The following SERINC5 variants were observed in gnomAD, a reference collection of about 807,000 sequenced individuals.
SERINC5 encodes chromosome 5 open reading frame 12.
SERINC5 carries 41 observed loss-of-function variants against 63.1 expected under a neutral mutation model. The ratio of observed to expected loss-of-function variants is 0.65; its 90% CI spans 0.51 to 0.84. The LOEUF (loss-of-function observed/expected upper bound fraction) is 0.84. Among genes scored for constraint, SERINC5 ranks in the 40% least tolerant of loss-of-function variants. The pLI, the probability that SERINC5 is intolerant of heterozygous loss-of-function variation, is 0.00. For missense variants in SERINC5, 523 were observed against 573.0 expected (o/e 0.91, Z 0.89); for synonymous variants, 222 against 215.2 (o/e 1.03, Z -0.28).
At chr5:80,181,416 T>TTGTGTGTG (rs70982028) in intron 2 of SERINC5, among the ~76,000 whole-genome samples, 2,784 of 145,408 alleles carry the variant, frequency 0.019, 41 homozygotes, top group African/African-American at 0.044. Context: ...TCAGCTAATT[T>TTGTGTGTG]TGTGTGTGTG....
At chr5:80,253,658 G>A (rs959004909) in intron 1 of SERINC5, among the ~76,000 whole-genome samples, 1 of 152,104 alleles carries the variant, frequency 6.6e-6, no homozygotes, top group Admixed American at 6.6e-5. Context: ...TCCTCACTGA[G>A]CAGTCTCAAC....
chr5:80,168,545 G>A (rs1267095057), intron 6 of SERINC5, among the ~76,000 whole-genome samples: 3 of 151,996 alleles, frequency 2.0e-5, no homozygotes, highest in Non-Finnish European at 4.4e-5. Flanking sequence ...GATTCAAGGG[G>A]GCTGTACATT....
Position 80,139,837 on chromosome 5 carries a change from CCTT to C in SERINC5, c.*3823_*3825del. The C allele has an allele frequency of 1.0e-6, 1 of 985,310 alleles. No homozygotes were observed. The highest frequency in any genetic ancestry group is 1.2e-6 in the Non-Finnish European group (1 of 829,932). The allele number at this position is 985,310 out of a possible 1,614,324, so 61.0% of individuals were successfully genotyped here. The stretch of plus-strand genomic sequence containing the variant: ...GGTCTTACTTAGTTCAAGGTTTGTC[CCTT>C]CTTAGTTGTAGGTTGGGCCCTCTTT... On this transcript the variant is annotated 3_prime_UTR_variant, in exon 12 of 12. Coordinates refer to ENST00000507668, the MANE Select transcript of SERINC5 (RefSeq NM_001174072.3).
Position 80,139,256 on chromosome 5 carries a change from T to C in SERINC5, c.*4407A>G, listed in dbSNP as rs1411624706. The stretch of plus-strand genomic sequence containing the variant: ...TGCAAAGTAAAAAGGCTTAAATCTT[T>C]AATAAAGGAAAACAAAACAATCCTC... On this transcript the variant is annotated 3_prime_UTR_variant, in exon 12 of 12. Coordinates refer to ENST00000507668, the MANE Select transcript of SERINC5 (RefSeq NM_001174072.3). 1 of 971,046 alleles carries C rather than the reference T, an allele frequency of 1.0e-6. No homozygotes were observed. The allele number at this position is 971,046 out of a possible 1,614,324, so 60.2% of individuals were successfully genotyped here.
At chr5:80,144,397 G>T (rs965779574) in intron 11 of SERINC5, among the ~76,000 whole-genome samples, 3 of 152,164 alleles carry the variant, frequency 2.0e-5, no homozygotes, top group African/African-American at 7.2e-5. Context: ...GGATTACATT[G>T]TAACTCAATG....
At chr5:80,197,395 A>G (rs1749581614) in intron 2 of SERINC5, among the ~76,000 whole-genome samples, 1 of 135,114 alleles carries the variant, frequency 7.4e-6, no homozygotes. Flanking sequence ...TATATATTGT[A>G]TGATTCCATT....
intron 2 of SERINC5, among the ~76,000 whole-genome samples, chr5:80,195,345 T>C (rs1462728669): frequency 6.6e-6 from 1 of 151,960 alleles, no homozygotes; most frequent in Non-Finnish European, 1.5e-5. Context: ...AATATATCAA[T>C]GTAACAAAAT....
Position 80,209,453 on chromosome 5 carries a change from T to G in SERINC5, c.28-6400A>C, listed in dbSNP as rs1001199131. Among the ~76,000 whole-genome samples the G allele has an allele frequency of 6.6e-5, 10 of 152,302 alleles. No individual in the cohort carries two copies. The East Asian group carries it at 1.9e-3, about 29-fold the overall frequency. On this transcript the variant is annotated intron_variant, in intron 1 of 11. Transcript: ENST00000507668. ...TGCACACACCTTGCTCTTGGACTTCTGGCCTTCACAAGTGAGAAGCTGAAT... is the reference window on the plus strand; with the variant it reads ...TGCACACACCTTGCTCTTGGACTTCGGGCCTTCACAAGTGAGAAGCTGAAT...
At position 80,141,813 on chromosome 5, in the gene SERINC5, T is replaced by C; in HGVS notation, c.*1850A>G. The C allele has an allele frequency of 4.1e-6, 4 of 985,388 alleles. No homozygotes were observed. The highest frequency in any genetic ancestry group is 4.8e-6 in the Non-Finnish European group (4 of 829,892). The allele number at this position is 985,388 out of a possible 1,614,324, so 61.0% of individuals were successfully genotyped here. ...TCCTGCCCTAAAAAAGGAAATTTAA[T>C]GGAATTTACAAAACAAGGCTCTCTA... is the stretch of plus-strand genomic sequence containing the variant. On this transcript the variant is annotated 3_prime_UTR_variant, in exon 12 of 12. Coordinates refer to ENST00000507668, the MANE Select transcript of SERINC5 (RefSeq NM_001174072.3).
chr5:80,154,341 G>A (rs941214335), intron 8 of SERINC5, among the ~76,000 whole-genome samples: 3 of 152,028 alleles, frequency 2.0e-5, no homozygotes, highest in African/African-American at 7.2e-5. Flanking sequence ...CACCATGCCC[G>A]GCTAATTTTG....
In SERINC5 at chr5:80,186,475, T is replaced by G. The variant is rs539870760; in HGVS notation, c.196-8411A>C. Among the ~76,000 whole-genome samples the G allele has an allele frequency of 7.9e-5, 12 of 152,270 alleles. No individual in the cohort carries two copies. In the South Asian group the frequency reaches 8.3e-4, roughly 11 times the overall value. On this transcript the variant is annotated intron_variant, in intron 2 of 11. Transcript: ENST00000507668. Reference sequence around the variant, plus strand: ...GAATCTTTCCTTGGTACATTTATATTAGAACTGAGGTCCAAAAAATAGCAC... The same window carrying G: ...GAATCTTTCCTTGGTACATTTATATGAGAACTGAGGTCCAAAAAATAGCAC...
chr5:80,132,867 T>C (rs756644286), intron 11 of SERINC5, among the ~76,000 whole-genome samples: 4 of 152,168 alleles, frequency 2.6e-5, no homozygotes, highest in Non-Finnish European at 1.5e-5. Flanking sequence ...CTAAAGCCAA[T>C]TGCTACATGT....
intron 8 of SERINC5, among the ~76,000 whole-genome samples, chr5:80,156,027 G>A (rs1295719004): frequency 6.6e-6 from 1 of 152,106 alleles, no homozygotes; most frequent in African/African-American, 2.4e-5. Flanking sequence ...CAAGTATTTG[G>A]GGGTGGGGCT....
intron 2 of SERINC5, 127 bp downstream of exon 2, chr5:80,202,759 G>A: frequency 3.5e-6 from 3 of 854,954 alleles, no homozygotes; most frequent in Non-Finnish European, 5.3e-6. Flanking sequence ...CTTCAGGAAG[G>A]TTCAAGGAAA....
intron 11 of SERINC5, among the ~76,000 whole-genome samples, chr5:80,144,784 C>G (rs757032789): frequency 6.6e-6 from 1 of 152,226 alleles, no homozygotes; most frequent in Non-Finnish European, 1.5e-5. Context: ...TCCTGCTGGA[C>G]TATAAATCCT....
At chr5:80,234,930 T>C (rs559866390) in intron 1 of SERINC5, among the ~76,000 whole-genome samples, 1 of 152,318 alleles carries the variant, frequency 6.6e-6, no homozygotes, top group African/African-American at 2.4e-5. Flanking sequence ...TTTTTTACTA[T>C]GCTGAAACAC....
At chr5:80,129,058 G>A (rs1487412260) in intron 11 of SERINC5, 1 of 152,210 alleles carries the variant, frequency 6.6e-6, no homozygotes, top group Non-Finnish European at 1.5e-5. Flanking sequence ...AGCTTAGATG[G>A]AAAGTCCACT....
At chr5:80,216,057 C>G (rs1750647322) in intron 1 of SERINC5, among the ~76,000 whole-genome samples, 1 of 152,136 alleles carries the variant, frequency 6.6e-6, no homozygotes, top group Admixed American at 6.6e-5. Context: ...TACATTTTAG[C>G]AGGTTGGTGA....
chr5:80,142,057 C>T lies in SERINC5; in HGVS notation c.*1606G>A, dbSNP rs558115778. The T allele has an allele frequency of 2.4e-5, 24 of 985,340 alleles. No individual in the cohort carries two copies. The African/African-American group carries it at 3.8e-4, about 16-fold the overall frequency. 61.0% of individuals were successfully genotyped at this position (985,340 alleles called of 1,614,324 possible). On this transcript the variant is annotated 3_prime_UTR_variant, in exon 12 of 12. Coordinates refer to ENST00000507668, the MANE Select transcript of SERINC5 (RefSeq NM_001174072.3). ...GGCACTCAATTCTGCCCAACTCATA[C>T]AGTAGGGCACAGAAAAAAATGACTA...
Sources: gnomAD v4.1 joint callset for allele counts (sites outside exome capture counted in the v4.1 genomes callset) on GRCh38, gnomAD v4.1.1 for gene constraint, MANE v1.5 for transcripts, NCBI Gene and HGNC (gene_info 2026-07-23, HGNC 2026-07-21) for gene names.